The following PLEKHA5 variants were observed in gnomAD, a reference collection of about 807,000 sequenced individuals.
PLEKHA5 encodes pleckstrin homology domain containing A5.
In PLEKHA5, 55 loss-of-function variants were observed where a neutral mutation model predicts 181.9. The ratio of observed to expected loss-of-function variants is 0.30; its 90% CI spans 0.24 to 0.38. The LOEUF (loss-of-function observed/expected upper bound fraction) is 0.38. Among genes scored for constraint, PLEKHA5 ranks in the 10% least tolerant of loss-of-function variants. The probability of loss-of-function intolerance (pLI) is 1.00; values close to 1 mark genes in which losing one functional copy is unlikely to be tolerated. For synonymous variants in PLEKHA5, 535 were observed against 529.4 expected (o/e 1.01, Z -0.15); for missense variants, 1,432 against 1,549.5 (o/e 0.92, Z 1.27).
At chr12:19,295,220 C>T (rs547084434) in intron 15 of PLEKHA5, among the ~76,000 whole-genome samples, 1 of 152,338 alleles carries the variant, frequency 6.6e-6, no homozygotes, top group South Asian at 2.1e-4. Flanking sequence ...ATTTTCTTCT[C>T]ATCCAGCTTA....
intron 3 of PLEKHA5, among the ~76,000 whole-genome samples, chr12:19,159,968 G>A (rs78125113): frequency 0.011 from 1,698 of 152,114 alleles, 24 homozygotes; most frequent in African/African-American, 0.034. Context: ...TGACAATTTT[G>A]TGGATGGTGG....
chr12:19,265,629 C>G, intron 7 of PLEKHA5, 121 bp from the exon 8 acceptor site: 1 of 609,584 alleles, frequency 1.6e-6, no homozygotes, highest in African/African-American at 1.9e-5. Flanking sequence ...AAAGGCCTGC[C>G]TGAACATGAA....
intron 31 of PLEKHA5, among the ~76,000 whole-genome samples, chr12:19,374,332 C>T (rs1464103943): frequency 2.0e-5 from 3 of 151,832 alleles, no homozygotes; most frequent in Admixed American, 6.6e-5. Context: ...CCGTTGCCAG[C>T]GGTACATTTT....
At chr12:19,146,015 A>G (rs983423907) in intron 3 of PLEKHA5, among the ~76,000 whole-genome samples, 5 of 152,240 alleles carry the variant, frequency 3.3e-5, no homozygotes, top group African/African-American at 7.2e-5. Flanking sequence ...TAATGATTCA[A>G]AAAGCCCCAA....
intron 3 of PLEKHA5, among the ~76,000 whole-genome samples, chr12:19,174,787 T>G (rs1424202668): frequency 6.6e-6 from 1 of 152,216 alleles, no homozygotes; most frequent in Non-Finnish European, 1.5e-5. Flanking sequence ...GGTTGTATTT[T>G]TATCTGTACA....
At position 19,339,161 on chromosome 12, in the gene PLEKHA5, C is replaced by T. The variant is rs372026922; in HGVS notation, c.2550+2545C>T. On this transcript the variant is annotated intron_variant, in intron 21 of 31. Transcript: ENST00000429027. ...GTTGAAGTGATTCTCCTGCCTCAGC[C>T]TTCCTAGTAGCTGGGATTACAGGCA... Among the ~76,000 whole-genome samples the T allele has an allele frequency of 1.2e-3, 181 of 151,880 alleles. 1 individual carries two copies. In the South Asian group the frequency reaches 0.037, roughly 31 times the overall value.
intron 3 of PLEKHA5, among the ~76,000 whole-genome samples, chr12:19,215,877 G>A (rs1394033035): frequency 1.3e-5 from 2 of 152,110 alleles, no homozygotes; most frequent in East Asian, 3.9e-4. Flanking sequence ...AATAAGATGT[G>A]TTAGAAAAGG....
At chr12:19,196,957 A>G (rs993637411) in intron 3 of PLEKHA5, among the ~76,000 whole-genome samples, 1 of 151,924 alleles carries the variant, frequency 6.6e-6, no homozygotes, top group African/African-American at 2.4e-5. Flanking sequence ...ACTGGCTGTG[A>G]TAGAGTAAGA....
At chr12:19,139,449 A>G (rs138067756) in intron 3 of PLEKHA5, among the ~76,000 whole-genome samples, 40 of 152,232 alleles carry the variant, frequency 2.6e-4, no homozygotes, top group African/African-American at 9.6e-4. Flanking sequence ...CAGCTACCTA[A>G]ATGACTATCT....
At chr12:19,352,668 G>T (rs1207372081) in intron 25 of PLEKHA5, among the ~76,000 whole-genome samples, 1 of 148,598 alleles carries the variant, frequency 6.7e-6, no homozygotes, top group Non-Finnish European at 1.5e-5. Context: ...TCCCATCTCA[G>T]CCTCCCAAAG....
chr12:19,246,229 T>G (rs911831468), intron 3 of PLEKHA5, among the ~76,000 whole-genome samples: 5 of 151,804 alleles, frequency 3.3e-5, no homozygotes, highest in Admixed American at 3.3e-4. Flanking sequence ...CCACCCGCCT[T>G]GGCCTCCCAA....
intron 10 of PLEKHA5, among the ~76,000 whole-genome samples, chr12:19,273,431 A>G (rs903793561): frequency 3.9e-5 from 6 of 151,906 alleles, no homozygotes; most frequent in Non-Finnish European, 8.8e-5. Flanking sequence ...AGTTGATTAC[A>G]GATATATGTA....
rs148766440 is a variant in PLEKHA5, at chr12:19,264,944, C to T, written c.611-806C>T. Among the ~76,000 whole-genome samples, 551 of 152,204 alleles carry T rather than the reference C, an allele frequency of 3.6e-3. 3 individuals are homozygous for T. The highest frequency in any genetic ancestry group is 0.013 in the African/African-American group (531 of 41,536). On this transcript the variant is annotated intron_variant, in intron 7 of 31. Coordinates refer to ENST00000429027, the MANE Select transcript of PLEKHA5 (RefSeq NM_001256470.2). ...ATTTCAAGTTTCATAAACATCTCTG[C>T]CCCCAAGCAGCAAGTTAATAATGTG...
At chr12:19,270,795 T>G (rs920009551) in intron 10 of PLEKHA5, among the ~76,000 whole-genome samples, 19 of 152,184 alleles carry the variant, frequency 1.2e-4, no homozygotes, top group Admixed American at 9.2e-4. Context: ...ATGTGCATCT[T>G]TTTTCCCTCT....
At chr12:19,324,804 G>C (rs2091722997) in intron 20 of PLEKHA5, among the ~76,000 whole-genome samples, 1 of 152,160 alleles carries the variant, frequency 6.6e-6, no homozygotes, top group African/African-American at 2.4e-5. Context: ...TCCTGTGAGA[G>C]GATAGAAAAT....
At chr12:19,336,080 G>A (rs773082109) in intron 20 of PLEKHA5, among the ~76,000 whole-genome samples, 9 of 152,132 alleles carry the variant, frequency 5.9e-5, no homozygotes, top group Non-Finnish European at 1.3e-4. Context: ...GGATAATAGT[G>A]TCTATATTGA....
chr12:19,320,081 T>C, intron 17 of PLEKHA5, 25 bp downstream of exon 17: 1 of 819,948 alleles, frequency 1.2e-6, no homozygotes, highest in Non-Finnish European at 1.9e-6. Context: ...ATATTATATA[T>C]ATGTATACAA....
At chr12:19,329,357 A>C (rs947661033) in intron 20 of PLEKHA5, among the ~76,000 whole-genome samples, 2 of 152,118 alleles carry the variant, frequency 1.3e-5, no homozygotes, top group African/African-American at 4.8e-5. Flanking sequence ...TCATAGAATG[A>C]GTTAAAGAGG....
At chr12:19,152,049 G>C (rs1027490898) in intron 3 of PLEKHA5, 2 of 151,974 alleles carry the variant, frequency 1.3e-5, no homozygotes, top group Non-Finnish European at 2.9e-5. Flanking sequence ...TGTACTTTTA[G>C]TAGAGACAGG....
Sources: gnomAD v4.1 joint callset for allele counts (sites outside exome capture counted in the v4.1 genomes callset) on GRCh38, gnomAD v4.1.1 for gene constraint, MANE v1.5 for transcripts, NCBI Gene and HGNC (gene_info 2026-07-23, HGNC 2026-07-21) for gene names.